Variants in INO80 observed in about 807,000 individuals in gnomAD.
INO80 encodes chromatin-remodeling ATPase INO80.
INO80 carries 20 observed loss-of-function variants against 203.4 expected under a neutral mutation model. That is an observed-to-expected ratio of 0.10 (90% CI 0.07 to 0.14). INO80 has a LOEUF of 0.14. Among genes scored for constraint, INO80 ranks in the 10% least tolerant of loss-of-function variants. The probability of loss-of-function intolerance (pLI) is 1.00; values close to 1 mark genes in which losing one functional copy is unlikely to be tolerated. For synonymous variants in INO80, 726 were observed against 685.2 expected, an observed-to-expected ratio of 1.06 and a Z score of -0.93; for missense variants, 1,419 against 1,914.4, an observed-to-expected ratio of 0.74 and a Z score of 4.83.
Position 40,979,920 on chromosome 15 carries a change from A to G in INO80, c.*303T>C, listed in dbSNP as rs186709943. 6 of 408,906 alleles carry G rather than the reference A, an allele frequency of 1.5e-5. No individual in the cohort carries two copies. The East Asian group carries it at 2.9e-4, about 20-fold the overall frequency. The allele number at this position is 408,906 out of a possible 1,614,324, so 25.3% of individuals were successfully genotyped here. A position where few individuals can be genotyped will look rare whatever the true frequency, so the allele number is the denominator to read the frequency against. On this transcript the variant is annotated 3_prime_UTR_variant, in exon 36 of 36. Coordinates refer to ENST00000648947, the MANE Select transcript of INO80 (RefSeq NM_017553.3). ...ATGGAAACAGTATGCCTGAGCATCT[A>G]AAGGGGGTCTGTGTCAGGCTTGCCC...
chr15:41,084,369 G>A (rs906995758), intron 7 of INO80, among the ~76,000 whole-genome samples: 2 of 151,998 alleles, frequency 1.3e-5, no homozygotes, highest in African/African-American at 4.8e-5. Context: ...AGACCAGCCT[G>A]GCCAACATGG....
intron 5 of INO80, among the ~76,000 whole-genome samples, chr15:41,088,040 T>C (rs901413735): frequency 1.1e-4 from 17 of 151,920 alleles, no homozygotes; most frequent in Non-Finnish European, 1.8e-4. Context: ...CATACTTCTA[T>C]TACCAACAGT....
At chr15:41,067,663 A>G (rs1360382162) in intron 14 of INO80, among the ~76,000 whole-genome samples, 1 of 152,144 alleles carries the variant, frequency 6.6e-6, no homozygotes, top group Non-Finnish European at 1.5e-5. Flanking sequence ...AATCCCAGAC[A>G]ATTTCCTATT....
In INO80 at chr15:41,027,642, C is replaced by T. The variant is rs770381074; in HGVS notation, c.3002G>A (p.Cys1001Tyr). The change falls in exon 25 of 36, where the codon TGC (cysteine) becomes TAC (tyrosine). Residue 1001 changes from cysteine (C) to tyrosine (Y), a missense_variant. Cys to Tyr is a radical substitution (Grantham distance 194). This residue lies in a region of INO80 where 302 missense variants were observed against 345.4 expected (regional missense o/e 0.87). Transcript: ENST00000648947. ...AAAAGATGGCAGCTCAGTGAGCAGG[C>T]AGCGACGCAGCGAGGAGGTAGCTGA... ...RRSATSSLRR[C>Y]LLTELPSFLC... The T allele has an allele frequency of 5.6e-6, 9 of 1,613,938 alleles. No individual in the cohort carries two copies. The highest frequency in any genetic ancestry group is 3.3e-4 in the Middle Eastern group (2 of 6,062).
At chr15:41,049,443 G>A (rs1490860434) in intron 20 of INO80, 23 bp from the exon 21 acceptor site, 1 of 1,610,252 alleles carries the variant, frequency 6.2e-7, no homozygotes, top group Non-Finnish European at 8.5e-7. Context: ...GAAATGGTAA[G>A]ACAATATTAC....
At chr15:41,058,600 A>C in intron 16 of INO80, 39 bp downstream of exon 16, 1 of 1,580,766 alleles carries the variant, frequency 6.3e-7, no homozygotes, top group Non-Finnish European at 8.6e-7. Context: ...TGTGTACTTA[A>C]CCCAATGCAT....
chr15:41,097,825 C>T lies in INO80; in HGVS notation c.-43-1472G>A, dbSNP rs538873822. Among the ~76,000 whole-genome samples the T allele has an allele frequency of 2.3e-3, 347 of 151,596 alleles. 2 individuals carry two copies. Among genetic ancestry groups the T allele is most frequent in the Middle Eastern group, 3.4e-3 (1 of 294 alleles). ...AAAATTAGCTGGGCATGGTGGCAGGCGTCTGTAATCCCACCTACTCAGGAG... is the reference window on the plus strand; with the variant it reads ...AAAATTAGCTGGGCATGGTGGCAGGTGTCTGTAATCCCACCTACTCAGGAG... On this transcript the variant is annotated intron_variant, in intron 1 of 35. Transcript: ENST00000648947.
chr15:40,984,962 G>A (rs894481828), intron 32 of INO80, among the ~76,000 whole-genome samples: 2 of 152,140 alleles, frequency 1.3e-5, no homozygotes, highest in African/African-American at 4.8e-5. Context: ...GACACTGAGT[G>A]GTACACTAGC....
chr15:41,001,207 G>A (rs1004658887), intron 28 of INO80, among the ~76,000 whole-genome samples: 4 of 152,130 alleles, frequency 2.6e-5, no homozygotes, highest in Non-Finnish European at 5.9e-5. Flanking sequence ...TGGTCTGGGT[G>A]CCCTCTCTAG....
chr15:41,103,165 T>A (rs958403400), intron 1 of INO80, among the ~76,000 whole-genome samples: 13 of 152,210 alleles, frequency 8.5e-5, no homozygotes, highest in Admixed American at 8.5e-4. Context: ...TTACACCCCC[T>A]TCTACTTCTC....
intron 16 of INO80, 55 bp downstream of exon 16, chr15:41,058,584 T>G: frequency 7.2e-7 from 1 of 1,391,084 alleles, no homozygotes; most frequent in Admixed American, 1.7e-5. Flanking sequence ...TGTGTGTGTG[T>G]GTGTGTGTGT....
At chr15:41,093,023 A>G (rs980559466) in intron 4 of INO80, among the ~76,000 whole-genome samples, 3 of 152,192 alleles carry the variant, frequency 2.0e-5, no homozygotes, top group Non-Finnish European at 2.9e-5. Flanking sequence ...AAACAGAGCA[A>G]GAGCCTGTCT....
intron 24 of INO80, among the ~76,000 whole-genome samples, chr15:41,032,416 G>A (rs2044502589): frequency 6.6e-6 from 1 of 152,126 alleles, no homozygotes; most frequent in African/African-American, 2.4e-5. Context: ...TTAATGCAGA[G>A]AAACACAATA....
chr15:41,031,638 A>AAGGGAGGAAGGGAGGAAGGG (rs2044474861), intron 24 of INO80, among the ~76,000 whole-genome samples: 1 of 66,500 alleles, frequency 1.5e-5, no homozygotes, highest in African/African-American at 6.6e-5. Flanking sequence ...GGAAGGGAGG[A>AAGGGAGGAAGGGAGGAAGGG]AGGGAGGAAG....
chr15:41,004,226 A>T (rs1339675439), intron 28 of INO80, among the ~76,000 whole-genome samples: 2 of 152,198 alleles, frequency 1.3e-5, no homozygotes, highest in Non-Finnish European at 2.9e-5. Flanking sequence ...TCTTCTCCTT[A>T]TTGTTGGTCA....
At chr15:41,060,460 C>T (rs1418013297) in intron 14 of INO80, among the ~76,000 whole-genome samples, 1 of 151,844 alleles carries the variant, frequency 6.6e-6, no homozygotes, top group Non-Finnish European at 1.5e-5. Flanking sequence ...GTGGCACGCG[C>T]CTGTAATCCC....
In INO80 at chr15:41,048,191, C is replaced by T. The variant is rs753103538; in HGVS notation, c.2641+21G>A. On this transcript the variant is annotated intron_variant, in intron 22 of 35. Transcript: ENST00000648947. ...GGTAAAACCCTGACAAACCTACTTTCCCAAAGATCAAAACACCTACCTTTT... is the reference window on the plus strand; with the variant it reads ...GGTAAAACCCTGACAAACCTACTTTTCCAAAGATCAAAACACCTACCTTTT... 83 of 1,592,314 alleles carry T rather than the reference C, an allele frequency of 5.2e-5. 1 individual carries two copies. In the South Asian group the frequency reaches 8.3e-4, roughly 16 times the overall value.
At chr15:41,041,700 C>T (rs1294777995) in intron 24 of INO80, among the ~76,000 whole-genome samples, 1 of 152,142 alleles carries the variant, frequency 6.6e-6, no homozygotes, top group African/African-American at 2.4e-5. Context: ...GCCTTGGCCT[C>T]CCAAAGTACT....
intron 19 of INO80, among the ~76,000 whole-genome samples, chr15:41,051,873 G>T (rs1034457819): frequency 1.3e-5 from 2 of 152,064 alleles, no homozygotes; most frequent in African/African-American, 4.8e-5. Flanking sequence ...CAGGCGAGTC[G>T]CTTGAATCCG....
Sources: gnomAD v4.1 joint callset for allele counts (sites outside exome capture counted in the v4.1 genomes callset) on GRCh38, gnomAD v4.1.1 for gene constraint, gnomAD v4.1.1 regional missense constraint, MANE v1.5 for transcripts, NCBI Gene and HGNC (gene_info 2026-07-23, HGNC 2026-07-21) for gene names.